Variants in SERPINB12 observed in about 807,000 individuals in gnomAD.
SERPINB12 encodes the protein serpin family B member 12.
SERPINB12 carries 57 observed loss-of-function variants against 41.1 expected under a neutral mutation model. The observed-to-expected ratio is 1.39, with a 90% confidence interval of 1.12 to 1.73. SERPINB12 has a LOEUF of 1.73. Among genes scored for constraint, SERPINB12 ranks in the 40% most tolerant of loss-of-function variants. The pLI, the probability that SERPINB12 is intolerant of heterozygous loss-of-function variation, is 0.00. For missense variants in SERPINB12, 536 were observed against 501.9 expected, an observed-to-expected ratio of 1.07 and a Z score of -0.65; for synonymous variants, 180 against 181.3, an observed-to-expected ratio of 0.99 and a Z score of 0.06.
chr18:63,561,085 G>A lies in SERPINB12; in HGVS notation c.445G>A (p.Glu149Lys), dbSNP rs1251084757. 1.3e-6 allele frequency: 2 copies of A among 1,583,810 alleles called. No individual in the cohort carries two copies. Among genetic ancestry groups the A allele is most frequent in the Admixed American group, 1.7e-5 (1 of 59,722 alleles). ...YGEQEFPICQ[E>K]YLDGVIQFYH... Reference sequence around the variant, plus strand: ...TTTCCCTTTTATTCCAATGGAACAGGAATACTTAGATGGTGTGATTCAATT... The same window carrying A: ...TTTCCCTTTTATTCCAATGGAACAGAAATACTTAGATGGTGTGATTCAATT... The change falls in exon 5 of 8, where the codon GAA becomes AAA. Residue 149 changes from glutamate to lysine, a missense_variant and splice_region_variant. Glu to Lys is a moderately conservative substitution (Grantham distance 56). Transcript: ENST00000382768.
chr18:63,540,132 CTAAA>C (rs1455402350), upstream of SERPINB12, among the ~76,000 whole-genome samples: 2 of 152,152 alleles, frequency 1.3e-5, no homozygotes, highest in African/African-American at 2.4e-5. Flanking sequence ...TGTAGAATGT[CTAAA>C]TAGTCACTTG....
intron 1 of SERPINB12, among the ~76,000 whole-genome samples, chr18:63,553,174 C>T (rs1228028368): frequency 6.6e-6 from 1 of 152,164 alleles, no homozygotes; most frequent in Admixed American, 6.5e-5. Context: ...GATGCAGAAA[C>T]AGGCAGAGAG....
chr18:63,520,206 C>A, the SERPINB12 span, among the ~76,000 whole-genome samples: 2 of 152,098 alleles, frequency 1.3e-5, no homozygotes, highest in African/African-American at 4.8e-5. Flanking sequence ...GGCCTCACAC[C>A]CAGTGCAGGC....
At chr18:63,525,148 G>GT in the SERPINB12 span, among the ~76,000 whole-genome samples, 55 of 151,870 alleles carry the variant, frequency 3.6e-4, no homozygotes, top group Non-Finnish European at 6.2e-4. Context: ...ATGCTTACTG[G>GT]TTTTTTTCTA....
At chr18:63,522,234 C>A in the SERPINB12 span, among the ~76,000 whole-genome samples, 1 of 152,182 alleles carries the variant, frequency 6.6e-6, no homozygotes, top group Non-Finnish European at 1.5e-5. Flanking sequence ...ACTTTGTCTG[C>A]AGGACGTATA....
intron 2 of SERPINB12, among the ~76,000 whole-genome samples, chr18:63,556,792 T>C (rs535037448): frequency 2.0e-5 from 3 of 152,330 alleles, no homozygotes; most frequent in African/African-American, 7.2e-5. Flanking sequence ...TATACCACAT[T>C]TGTTAGAAAA....
intron 2 of SERPINB12, 113 bp downstream of exon 2, chr18:63,556,440 C>T (rs1910682587): frequency 1.2e-6 from 1 of 813,554 alleles, no homozygotes; most frequent in Non-Finnish European, 1.9e-6. Flanking sequence ...TGGGCTTGGT[C>T]AGAACCCATC....
intron 3 of SERPINB12, among the ~76,000 whole-genome samples, chr18:63,559,234 A>G (rs1910816381): frequency 6.6e-6 from 1 of 151,772 alleles, no homozygotes; most frequent in Admixed American, 6.6e-5. Context: ...CCTCCAGAGT[A>G]GCTGGGATTA....
the SERPINB12 span, among the ~76,000 whole-genome samples, chr18:63,521,572 C>G: frequency 1.3e-5 from 2 of 152,152 alleles, no homozygotes; most frequent in East Asian, 3.8e-4. Flanking sequence ...AAGCACTGGG[C>G]CAGCATTAGT....
chr18:63,541,524 T>C (rs189127568), upstream of SERPINB12, among the ~76,000 whole-genome samples: 12 of 152,172 alleles, frequency 7.9e-5, no homozygotes, highest in Admixed American at 1.3e-4. Context: ...CCTCAAAATA[T>C]CTCAGAAAAC....
the SERPINB12 span, among the ~76,000 whole-genome samples, chr18:63,534,660 A>G: frequency 6.6e-6 from 1 of 152,180 alleles, no homozygotes; most frequent in African/African-American, 2.4e-5. Context: ...AAACCGGATC[A>G]AGCAGACTCC....
rs186635228 is a variant in SERPINB12 at position 63,547,489 on chromosome 18, G to C, written c.-19+4997G>C. On this transcript the variant is annotated intron_variant, in intron 1 of 7. Coordinates refer to ENST00000382768, the MANE Select transcript of SERPINB12 (RefSeq NM_001307928.2). ...TTTGAATATTTGTTCCAGCAGAATA[G>C]CATCTATTTGTGTAAAGTTTGAATT... 2.4e-3 allele frequency among the ~76,000 whole-genome samples: 358 copies of C among 152,140 alleles called. 1 individual carries two copies. The highest frequency in any genetic ancestry group is 8.3e-3 in the African/African-American group (345 of 41,526).
intron 1 of SERPINB12, among the ~76,000 whole-genome samples, chr18:63,553,229 C>G (rs1910578154): frequency 6.6e-6 from 1 of 151,980 alleles, no homozygotes; most frequent in African/African-American, 2.4e-5. Flanking sequence ...AAGTGTAGTG[C>G]CAGAATTAGA....
In SERPINB12 at chr18:63,566,802, C is replaced by T. The variant is rs569819433; in HGVS notation, c.1069C>T (p.Pro357Ser). ...RADLTGISPSPNLYLSKIIHK... is the reference protein window; with the variant it reads ...RADLTGISPSSNLYLSKIIHK... ...TGATCTTACTGGAATCTCTCCAAGT[C>T]CCAATTTGTACTTGTCAAAAATTAT... Residue 357 changes from proline to serine, a missense_variant, in exon 8 of 8, where the codon CCC becomes TCC. Pro to Ser is a moderately conservative substitution (Grantham distance 74, BLOSUM62 -1). Coordinates refer to ENST00000382768, the MANE Select transcript of SERPINB12 (RefSeq NM_001307928.2). 4.3e-6 allele frequency: 7 copies of T among 1,614,072 alleles called. No individual in the cohort carries two copies. Among genetic ancestry groups the T allele is most frequent in the East Asian group, 4.5e-5 (2 of 44,882 alleles).
Position 63,559,247 on chromosome 18 carries a change from G to C in SERPINB12, c.304-331G>C, listed in dbSNP as rs143933425. On this transcript the variant is annotated intron_variant, in intron 3 of 7. Coordinates refer to ENST00000382768, the MANE Select transcript of SERPINB12 (RefSeq NM_001307928.2). ...AGCCTCCAGAGTAGCTGGGATTACA[G>C]GCATGAGCCACCATGCCTGGCCTCT... 4.9e-3 allele frequency among the ~76,000 whole-genome samples: 741 copies of C among 151,944 alleles called. 2 individuals are homozygous for C. Among genetic ancestry groups the C allele is most frequent in the African/African-American group, 0.017 (713 of 41,426 alleles).
the SERPINB12 span, among the ~76,000 whole-genome samples, chr18:63,528,392 C>CAGTAAATA: frequency 6.9e-6 from 1 of 144,882 alleles, no homozygotes; most frequent in Non-Finnish European, 1.5e-5. Flanking sequence ...TCTCTGAGAG[C>CAGTAAATA]AATAAATAAA....
intron 5 of SERPINB12, among the ~76,000 whole-genome samples, chr18:63,562,209 C>T (rs139503810): frequency 2.3e-3 from 349 of 152,182 alleles, no homozygotes; most frequent in Non-Finnish European, 3.9e-3. Context: ...TACCGGTGCC[C>T]GTGTGAATTT....
chr18:63,554,209 C>T (rs567921299), intron 1 of SERPINB12, among the ~76,000 whole-genome samples: 6 of 152,166 alleles, frequency 3.9e-5, no homozygotes, highest in East Asian at 3.9e-4. Flanking sequence ...AACTTAGAAA[C>T]GATAGATACA....
chr18:63,554,839 G>A (rs2144329564), intron 1 of SERPINB12, among the ~76,000 whole-genome samples: 1 of 152,298 alleles, frequency 6.6e-6, no homozygotes, highest in Middle Eastern at 3.4e-3. Flanking sequence ...CACGTGTTGA[G>A]GGAGAGACCT....
Sources: allele counts gnomAD v4.1 joint callset (sites outside exome capture counted in the v4.1 genomes callset), GRCh38; gene constraint gnomAD v4.1.1; transcripts MANE v1.5; gene names NCBI Gene and HGNC (gene_info 2026-07-23, HGNC 2026-07-21).